Variants in TTC29 observed in about 807,000 individuals in gnomAD.
TTC29 encodes tetratricopeptide repeat protein 29.
A neutral mutation model predicts 58.1 loss-of-function variants in TTC29; 49 were observed. That is an observed-to-expected ratio of 0.84 (90% CI 0.67 to 1.07). TTC29 has a LOEUF of 1.07. Among genes scored for constraint, TTC29 ranks in the 50% least tolerant of loss-of-function variants. The probability of loss-of-function intolerance (pLI) is 0.00; values close to 1 mark genes in which losing one functional copy is unlikely to be tolerated. For missense variants in TTC29, 582 were observed against 555.6 expected (o/e 1.05, Z -0.48); for synonymous variants, 209 against 196.8 (o/e 1.06, Z -0.52).
At chr4:146,765,171 T>C (rs1747212980) in intron 11 of TTC29, among the ~76,000 whole-genome samples, 1 of 152,156 alleles carries the variant, frequency 6.6e-6, no homozygotes, top group Non-Finnish European at 1.5e-5. Context: ...TAAAGGCATG[T>C]ACATGCAGAT....
intron 11 of TTC29, among the ~76,000 whole-genome samples, chr4:146,749,190 T>C (rs575596015): frequency 6.7e-6 from 1 of 149,960 alleles, no homozygotes; most frequent in East Asian, 2.0e-4. Flanking sequence ...TGGTGGTGCA[T>C]GTTTGTAGTC....
chr4:146,879,891 C>A (rs1388159736), intron 6 of TTC29, among the ~76,000 whole-genome samples: 1 of 152,136 alleles, frequency 6.6e-6, no homozygotes, highest in Non-Finnish European at 1.5e-5. Flanking sequence ...GTATTAAAGT[C>A]TTTGTAGGGG....
At position 146,708,308 on chromosome 4, in the gene TTC29, TTATATATATATATATA is replaced by T. The variant is rs59963230; in HGVS notation, c.1331-773_1331-758del. Among the ~76,000 whole-genome samples the T allele has an allele frequency of 5.8e-4, 36 of 62,198 alleles. 1 individual carries two copies. The highest frequency in any genetic ancestry group is 1.8e-3 in the South Asian group (3 of 1,708). The allele number at this position is 62,198 out of a possible 152,430, so 40.8% of individuals were successfully genotyped here. A position where few individuals can be genotyped will look rare whatever the true frequency, so the allele number is the denominator to read the frequency against. On this transcript the variant is annotated intron_variant, in intron 11 of 12. Coordinates refer to ENST00000325106, the MANE Select transcript of TTC29 (RefSeq NM_031956.4). ...AATAATGAAGTCAAATATGGGAAGTTTATATATATATATATATATATATATATATATATATATATAT... is the reference window on the plus strand; with the variant it reads ...AATAATGAAGTCAAATATGGGAAGTTTATATATATATATATATATATATAT...
intron 11 of TTC29, among the ~76,000 whole-genome samples, chr4:146,785,101 C>CTG (rs370749136): frequency 5.6e-4 from 85 of 150,622 alleles, no homozygotes; most frequent in African/African-American, 1.6e-3. Context: ...GTGTGTGTCT[C>CTG]TGTGTGTGTG....
At chr4:146,893,612 C>A (rs1232476061) in intron 6 of TTC29, among the ~76,000 whole-genome samples, 6 of 152,160 alleles carry the variant, frequency 3.9e-5, no homozygotes, top group Admixed American at 3.9e-4. Context: ...CCATTCAGGA[C>A]ACAGGCATGG....
intron 6 of TTC29, among the ~76,000 whole-genome samples, chr4:146,882,147 T>C (rs1309105420): frequency 2.0e-5 from 3 of 152,116 alleles, no homozygotes; most frequent in Non-Finnish European, 4.4e-5. Flanking sequence ...AAAATTTGCC[T>C]AGATCTCCAA....
chr4:146,892,630 G>C (rs899268550), intron 6 of TTC29, among the ~76,000 whole-genome samples: 4 of 152,146 alleles, frequency 2.6e-5, no homozygotes, highest in African/African-American at 7.2e-5. Flanking sequence ...GTACAAGATA[G>C]GGATGCCCTC....
At position 146,937,156 on chromosome 4, in the gene TTC29, A is replaced by T. The variant is rs533026774; in HGVS notation, c.176+438T>A. On this transcript the variant is annotated intron_variant, in intron 4 of 12. Coordinates refer to ENST00000325106, the MANE Select transcript of TTC29 (RefSeq NM_031956.4). ...TTATTTAAAAATTAACCAATAAAGT[A>T]TGATCCATTGGTTCTTTTGTGAGTG... Among the ~76,000 whole-genome samples, 124 of 152,172 alleles carry T rather than the reference A, an allele frequency of 8.1e-4. 2 individuals carry two copies. The highest frequency in any genetic ancestry group is 2.4e-3 in the African/African-American group (99 of 41,586).
intron 10 of TTC29, 97 bp from the exon 11 acceptor site, chr4:146,803,782 C>T (rs1160593094): frequency 1.8e-5 from 16 of 898,246 alleles, no homozygotes; most frequent in Admixed American, 5.7e-5. Context: ...ACTGACCTTT[C>T]GACAGTTACA....
At chr4:146,927,907 G>C (rs1336099401) in intron 4 of TTC29, among the ~76,000 whole-genome samples, 4 of 152,150 alleles carry the variant, frequency 2.6e-5, no homozygotes, top group Non-Finnish European at 4.4e-5. Context: ...TGTATGAATA[G>C]AGTACCAATG....
At chr4:146,849,043 G>A (rs888058913) in intron 8 of TTC29, among the ~76,000 whole-genome samples, 1 of 152,072 alleles carries the variant, frequency 6.6e-6, no homozygotes, top group South Asian at 2.1e-4. Context: ...CTCACTGCGA[G>A]TCTGGAGACC....
intron 2 of TTC29, among the ~76,000 whole-genome samples, chr4:146,940,368 T>C (rs1736266041): frequency 6.6e-6 from 1 of 152,226 alleles, no homozygotes; most frequent in Non-Finnish European, 1.5e-5. Context: ...TTCCCTTAGA[T>C]GTGATAGATG....
chr4:146,807,763 A>T (rs1362914749), intron 10 of TTC29, among the ~76,000 whole-genome samples: 1 of 152,194 alleles, frequency 6.6e-6, no homozygotes, highest in South Asian at 2.1e-4. Flanking sequence ...CACCAACCAA[A>T]AAAAGCCCAG....
chr4:146,743,228 A>G (rs1745295483), intron 11 of TTC29, among the ~76,000 whole-genome samples: 1 of 152,178 alleles, frequency 6.6e-6, no homozygotes, highest in African/African-American at 2.4e-5. Flanking sequence ...GGTGAATGCA[A>G]TACATAATTA....
At chr4:146,720,832 T>C (rs1743301382) in intron 11 of TTC29, among the ~76,000 whole-genome samples, 2 of 152,116 alleles carry the variant, frequency 1.3e-5, no homozygotes, top group Admixed American at 6.6e-5. Context: ...GGTAGTAATA[T>C]GGTTTATGTT....
At chr4:146,874,613 A>T in intron 7 of TTC29, 103 bp downstream of exon 7, 1 of 914,596 alleles carries the variant, frequency 1.1e-6, no homozygotes. Context: ...TGCATTTCAT[A>T]GGAAATAATC....
intron 9 of TTC29, among the ~76,000 whole-genome samples, chr4:146,823,481 G>C (rs1258322573): frequency 1.3e-5 from 2 of 152,186 alleles, no homozygotes; most frequent in East Asian, 3.8e-4. Flanking sequence ...TTTGGTATGA[G>C]TACCATGCTG....
At position 146,761,053 on chromosome 4, in the gene TTC29, A is replaced by G. The variant is rs143828490; in HGVS notation, c.1330+42404T>C. Among the ~76,000 whole-genome samples the G allele has an allele frequency of 4.5e-3, 678 of 151,920 alleles. 6 individuals are homozygous for G. The highest frequency in any genetic ancestry group is 0.016 in the African/African-American group (650 of 41,506). On this transcript the variant is annotated intron_variant, in intron 11 of 12. Coordinates refer to ENST00000325106, the MANE Select transcript of TTC29 (RefSeq NM_031956.4). ...TGTGGGAGCTAAGCTATGAGGATGC[A>G]AAGGCATAAGAATGATACAATGGAC...
intron 11 of TTC29, among the ~76,000 whole-genome samples, chr4:146,751,373 T>C (rs1221573672): frequency 6.6e-6 from 1 of 152,200 alleles, no homozygotes; most frequent in East Asian, 1.9e-4. Flanking sequence ...CTTACAAACA[T>C]ATACAGAACT....
Sources: allele counts gnomAD v4.1 joint callset (sites outside exome capture counted in the v4.1 genomes callset), GRCh38; gene constraint gnomAD v4.1.1; transcripts MANE v1.5; gene names NCBI Gene and HGNC (gene_info 2026-07-23, HGNC 2026-07-21).